The following FNTA variants were observed in gnomAD, a reference collection of about 807,000 sequenced individuals.
FNTA encodes farnesyltransferase, CAAX box, subunit alpha, also known as protein farnesyltransferase/geranylgeranyltransferase type-1 subunit alpha.
In FNTA, 27 loss-of-function variants were observed where a neutral mutation model predicts 55.2. That is an observed-to-expected ratio of 0.49 (90% confidence interval 0.36 to 0.67). FNTA has a LOEUF of 0.67. FNTA is among the 30% of genes least tolerant of loss of function. FNTA has a pLI of 0.00. For synonymous variants in FNTA, 176 were observed against 170.7 expected, an observed-to-expected ratio of 1.03 and a Z score of -0.24; for missense variants, 422 against 464.7, an observed-to-expected ratio of 0.91 and a Z score of 0.85.
chr8:43,072,407 G>T, intron 5 of FNTA, 100 bp downstream of exon 5: 1 of 762,466 alleles, frequency 1.3e-6, no homozygotes, highest in South Asian at 3.0e-5. Flanking sequence ...ACACACATAC[G>T]TAGATCATTG....
chr8:43,056,569 G>C lies in FNTA; in HGVS notation c.200+23G>C, dbSNP rs768141606. The C allele has an allele frequency of 5.0e-5, 69 of 1,369,666 alleles. No individual in the cohort carries two copies. The African/African-American group carries it at 7.6e-4, about 15-fold the overall frequency. 84.8% of individuals were successfully genotyped at this position (1,369,666 alleles called of 1,614,324 possible). On this transcript the variant is annotated intron_variant, in intron 1 of 8. Coordinates refer to ENST00000302279, the MANE Select transcript of FNTA (RefSeq NM_002027.3). ...CAGGTAACGCCCCCGCGGCGGCCGC[G>C]GCTCGGGACACTCCCTGGAGGCCCA...
chr8:43,073,214 AG>A (rs1810835311), intron 5 of FNTA, among the ~76,000 whole-genome samples: 1 of 152,252 alleles, frequency 6.6e-6, no homozygotes, highest in African/African-American at 2.4e-5. Flanking sequence ...CATATTCTAA[AG>A]GTATTCAATA....
At chr8:43,082,169 G>A (rs76015463) in intron 6 of FNTA, 252 of 152,256 alleles carry the variant, frequency 1.7e-3, no homozygotes, top group African/African-American at 5.8e-3. Flanking sequence ...CAATTATGTG[G>A]TAAAGCAAGT....
chr8:43,070,146 A>G (rs1436203395), intron 4 of FNTA: 2 of 147,266 alleles, frequency 1.4e-5, no homozygotes, highest in African/African-American at 2.5e-5. Flanking sequence ...CAGCTACTCA[A>G]GGAGCGTGCC....
Position 43,059,205 on chromosome 8 carries a change from CTGTAAGT to C in FNTA, c.286+30_286+36del, listed in dbSNP as rs759863370. 4.6e-6 allele frequency: 7 copies of C among 1,507,008 alleles called. No homozygotes were observed. In the African/African-American group the frequency reaches 9.7e-5, roughly 21 times the overall value. The allele number at this position is 1,507,008 out of a possible 1,614,324, so 93.4% of individuals were successfully genotyped here. ...AAGTTTGTTTATATTAGGAAAAGGT[CTGTAAGT>C]TAAATATAGTAGCAGAATTGGAATT... On this transcript the variant is annotated intron_variant, in intron 2 of 8. Transcript: ENST00000302279.
chr8:43,057,898 C>T (rs1190159402), intron 1 of FNTA, among the ~76,000 whole-genome samples: 2 of 145,320 alleles, frequency 1.4e-5, no homozygotes, highest in Non-Finnish European at 3.0e-5. Flanking sequence ...GCAGAGGTTG[C>T]AATGAGCGGA....
chr8:43,066,030 A>T (rs1810649934), intron 3 of FNTA, among the ~76,000 whole-genome samples: 2 of 148,310 alleles, frequency 1.3e-5, no homozygotes, highest in Admixed American at 6.7e-5. Flanking sequence ...TGTTCTGGGG[A>T]TTTTTCTGGG....
intron 5 of FNTA, among the ~76,000 whole-genome samples, chr8:43,076,406 G>C (rs1466107913): frequency 6.6e-6 from 1 of 152,030 alleles, no homozygotes; most frequent in Non-Finnish European, 1.5e-5. Flanking sequence ...CGAACTCCTG[G>C]CCTCAAGTGA....
chr8:43,069,492 G>C, intron 3 of FNTA, 63 bp from the exon 4 acceptor site: 2 of 1,011,836 alleles, frequency 2.0e-6, no homozygotes, highest in Non-Finnish European at 3.1e-6. Context: ...AGCTGTATTT[G>C]ATATTGTTAT....
At chr8:43,064,290 CTTTAATTTTTTT>C in intron 3 of FNTA, 75 bp downstream of exon 3, 1 of 944,100 alleles carries the variant, frequency 1.1e-6, no homozygotes, top group Non-Finnish European at 1.7e-6. Context: ...TTAAACTGTA[CTTTAATTTTTTT>C]AAACTGTACT....
chr8:43,063,345 G>GT (rs147258387), intron 2 of FNTA: 67 of 453,574 alleles, frequency 1.5e-4, no homozygotes, highest in Admixed American at 3.3e-4. Context: ...TCTTTTGTTT[G>GT]TTTTTTTTGT....
rs1810398089 is a variant in FNTA, at chr8:43,056,378, C to A, written c.32C>A (p.Ala11Glu). The A allele has an allele frequency of 6.8e-7, 1 of 1,473,628 alleles. No homozygotes were observed. The highest frequency in any genetic ancestry group is 2.9e-5 in the East Asian group (1 of 34,512). 91.3% of individuals were successfully genotyped at this position (1,473,628 alleles called of 1,614,324 possible). MAATEGVGEA[A>E]QGGEPGQPAQ... ...GCCACCGAGGGGGTCGGGGAGGCTGCGCAAGGGGGCGAGCCCGGGCAGCCG... is the reference window on the plus strand; with the variant it reads ...GCCACCGAGGGGGTCGGGGAGGCTGAGCAAGGGGGCGAGCCCGGGCAGCCG... Residue 11 changes from alanine to glutamate, a missense_variant, in exon 1 of 9, where the codon GCG (alanine) becomes GAG (glutamate). Physicochemically the swap from Ala to Glu is moderately radical, Grantham distance 107. Transcript: ENST00000302279.
At chr8:43,081,557 G>A (rs1387150747) in intron 6 of FNTA, 1 of 152,278 alleles carries the variant, frequency 6.6e-6, no homozygotes, top group East Asian at 1.9e-4. Flanking sequence ...AAGTTCATCG[G>A]TCTTTTTGTT....
intron 4 of FNTA, among the ~76,000 whole-genome samples, chr8:43,071,297 A>C (rs375001302): frequency 6.6e-6 from 1 of 152,156 alleles, no homozygotes; most frequent in East Asian, 1.9e-4. Flanking sequence ...CATTTTCACT[A>C]ATAGATTTAT....
At position 43,069,624 on chromosome 8, in the gene FNTA, A is replaced by C; in HGVS notation, c.471A>C (p.Ala157=). 2 of 1,613,372 alleles carry C rather than the reference A, an allele frequency of 1.2e-6. No individual in the cohort carries two copies. The highest frequency in any genetic ancestry group is 4.5e-5 in the East Asian group (2 of 44,848). The change falls in exon 4 of 9, where the codon GCA becomes GCC. Residue 157 remains alanine, a synonymous_variant. Coordinates refer to ENST00000302279, the MANE Select transcript of FNTA (RefSeq NM_002027.3). ...DLHEEMNYIT[A]IIEEQPKNYQ... is the part of the protein sequence containing the mutation. ...ATGAGGAAATGAACTACATCACTGC[A>C]ATAATTGAGGAGCAGCCCAAAAACT...
intron 2 of FNTA, 144 bp downstream of exon 2, chr8:43,059,321 TTA>T (rs1226844833): frequency 2.0e-5 from 12 of 605,952 alleles, no homozygotes; most frequent in Non-Finnish European, 3.4e-5. Context: ...TGTGTTTTTT[TTA>T]TGTGTGTGTG....
At chr8:43,085,130 A>G (rs781690850) in intron 8 of FNTA, 30 bp from the exon 9 acceptor site, 8 of 1,488,402 alleles carry the variant, frequency 5.4e-6, no homozygotes, top group East Asian at 2.3e-5. Flanking sequence ...TGAATTACAT[A>G]TTACTTTAAT....
chr8:43,057,448 G>A (rs1349135058), intron 1 of FNTA: 1 of 152,188 alleles, frequency 6.6e-6, no homozygotes, highest in African/African-American at 2.4e-5. Context: ...TCTCTGGATT[G>A]TGAAATACTC....
chr8:43,061,364 A>G (rs1292340871), intron 2 of FNTA, among the ~76,000 whole-genome samples: 1 of 152,228 alleles, frequency 6.6e-6, no homozygotes, highest in Admixed American at 6.5e-5. Context: ...AATCTTGGAC[A>G]AGTTATTTAA....
Sources: gnomAD v4.1 joint callset for allele counts (sites outside exome capture counted in the v4.1 genomes callset) on GRCh38, gnomAD v4.1.1 for gene constraint, MANE v1.5 for transcripts, NCBI Gene and HGNC (gene_info 2026-07-23, HGNC 2026-07-21) for gene names.